PKP4: variants seen among roughly 807,000 people sequenced by gnomAD.
PKP4 encodes the protein plakophilin-4.
Under a neutral mutation model 145.1 loss-of-function variants are expected in PKP4, and 90 were observed. The observed-to-expected ratio is 0.62, with a 90% confidence interval of 0.52 to 0.74. PKP4 has a LOEUF of 0.74. Among genes scored for constraint, PKP4 ranks in the 30% least tolerant of loss-of-function variants. PKP4 has a pLI of 0.00. For missense variants in PKP4, 1,340 were observed against 1,482.7 expected (o/e 0.90, Z 1.58); for synonymous variants, 563 against 577.2 (o/e 0.98, Z 0.35).
chr2:158,648,892 AGAGTCT>A (rs11276832), intron 11 of PKP4, among the ~76,000 whole-genome samples: 71,953 of 151,428 alleles, frequency 0.48, 18,050 homozygotes, highest in East Asian at 0.78. Context: ...CAGCTACTAG[AGAGTCT>A]GAGGCAGGAA....
intron 1 of PKP4, among the ~76,000 whole-genome samples, chr2:158,518,391 C>T (rs915333480): frequency 6.6e-6 from 1 of 152,206 alleles, no homozygotes; most frequent in African/African-American, 2.4e-5. Flanking sequence ...GTCACATGGC[C>T]AGTCCCAGAT....
At chr2:158,614,692 C>A (rs1034789472) in intron 4 of PKP4, among the ~76,000 whole-genome samples, 1 of 152,044 alleles carries the variant, frequency 6.6e-6, no homozygotes, top group Non-Finnish European at 1.5e-5. Context: ...GAACAGATTC[C>A]CAAAAGCACA....
At chr2:158,508,857 C>T (rs1441102576) in intron 1 of PKP4, among the ~76,000 whole-genome samples, 2 of 152,164 alleles carry the variant, frequency 1.3e-5, no homozygotes, top group Admixed American at 1.3e-4. Context: ...TCTGGGGTGA[C>T]TGTGGAAAGT....
At chr2:158,475,530 C>T (rs1692330721) in intron 1 of PKP4, among the ~76,000 whole-genome samples, 1 of 152,200 alleles carries the variant, frequency 6.6e-6, no homozygotes, top group African/African-American at 2.4e-5. Context: ...TTGAAATGAC[C>T]TGACAACTTT....
At chr2:158,555,357 G>A (rs2046000369) in intron 2 of PKP4, among the ~76,000 whole-genome samples, 1 of 152,200 alleles carries the variant, frequency 6.6e-6, no homozygotes, top group Admixed American at 6.5e-5. Flanking sequence ...TTAAAGAAAT[G>A]TTAGCTCATC....
intron 10 of PKP4, among the ~76,000 whole-genome samples, 153 bp from the exon 11 acceptor site, chr2:158,642,333 A>AATGT (rs1052274191): frequency 2.0e-5 from 3 of 152,040 alleles, no homozygotes; most frequent in Admixed American, 6.5e-5. Flanking sequence ...CTCTCCTTAG[A>AATGT]ATGTATAAAA....
chr2:158,607,893 C>T (rs2050785275), intron 4 of PKP4, among the ~76,000 whole-genome samples: 1 of 152,118 alleles, frequency 6.6e-6, no homozygotes, highest in Non-Finnish European at 1.5e-5. Flanking sequence ...TTCCCCGTTG[C>T]TTAAGTCATT....
chr2:158,460,381 C>T (rs1362963101), intron 1 of PKP4, among the ~76,000 whole-genome samples: 2 of 152,122 alleles, frequency 1.3e-5, no homozygotes, highest in Non-Finnish European at 2.9e-5. Flanking sequence ...CAGTTTTCTT[C>T]CTTTTCTTGT....
At chr2:158,646,474 A>G (rs2054838323) in intron 11 of PKP4, among the ~76,000 whole-genome samples, 1 of 152,220 alleles carries the variant, frequency 6.6e-6, no homozygotes, top group African/African-American at 2.4e-5. Context: ...ATATAAATCT[A>G]GCATAGTTGC....
At chr2:158,635,595 T>C (rs535587504) in intron 9 of PKP4, among the ~76,000 whole-genome samples, 4 of 152,286 alleles carry the variant, frequency 2.6e-5, no homozygotes, top group Admixed American at 6.5e-5. Flanking sequence ...ATGAGAACTT[T>C]GAGTTTAATA....
At chr2:158,627,373 C>T (rs2052901377) in intron 7 of PKP4, among the ~76,000 whole-genome samples, 2 of 152,086 alleles carry the variant, frequency 1.3e-5, no homozygotes, top group South Asian at 4.2e-4. Context: ...CATATTTAAC[C>T]CTAAGAGGAC....
intron 4 of PKP4, among the ~76,000 whole-genome samples, chr2:158,605,118 G>T (rs1262968832): frequency 6.6e-6 from 1 of 152,190 alleles, no homozygotes; most frequent in Non-Finnish European, 1.5e-5. Flanking sequence ...AGTATTCCAA[G>T]GGCCTTGTGT....
intron 2 of PKP4, among the ~76,000 whole-genome samples, chr2:158,575,530 T>TA (rs2047772745): frequency 6.6e-6 from 1 of 152,210 alleles, no homozygotes; most frequent in South Asian, 2.1e-4. Flanking sequence ...TTTTTCTATG[T>TA]TCTTATTTGC....
In PKP4 at chr2:158,625,028, G is replaced by A. The variant is rs766638824; in HGVS notation, c.754G>A (p.Asp252Asn). The A allele has an allele frequency of 1.7e-5, 27 of 1,614,116 alleles. No homozygotes were observed. Among genetic ancestry groups the A allele is most frequent in the South Asian group, 1.6e-4 (15 of 91,080 alleles). ...GSGFGSPSVTDPRPLNPSAYS... is the reference protein window; with the variant it reads ...GSGFGSPSVTNPRPLNPSAYS... ...TGGATTTGGCTCTCCGTCAGTGACCGACCCCCGACCTCTGAACCCCAGTGC... is the reference window on the plus strand; with the variant it reads ...TGGATTTGGCTCTCCGTCAGTGACCAACCCCCGACCTCTGAACCCCAGTGC... Residue 252 changes from aspartate to asparagine, a missense_variant, in exon 7 of 22, where the codon GAC becomes AAC. Asp to Asn is a conservative substitution (Grantham distance 23). Transcript: ENST00000389759.
chr2:158,595,666 T>G (rs1382679149), intron 3 of PKP4, among the ~76,000 whole-genome samples: 2 of 152,208 alleles, frequency 1.3e-5, no homozygotes, highest in African/African-American at 4.8e-5. Context: ...TGATCATAAT[T>G]GAAGATTTCA....
At chr2:158,592,087 C>T (rs1214553321) in intron 3 of PKP4, among the ~76,000 whole-genome samples, 3 of 151,944 alleles carry the variant, frequency 2.0e-5, no homozygotes, top group African/African-American at 7.2e-5. Flanking sequence ...GAGACTTTAC[C>T]CTGTCTCTCC....
At chr2:158,514,228 T>C (rs564092949) in intron 1 of PKP4, among the ~76,000 whole-genome samples, 1 of 152,336 alleles carries the variant, frequency 6.6e-6, no homozygotes, top group East Asian at 1.9e-4. Context: ...CTGGATCTGC[T>C]GAGAATGCAG....
At chr2:158,568,120 G>T (rs2047143180) in intron 2 of PKP4, among the ~76,000 whole-genome samples, 2 of 152,228 alleles carry the variant, frequency 1.3e-5, no homozygotes, top group Admixed American at 1.3e-4. Context: ...GATCACCTGA[G>T]GTCAGGAGTT....
intron 1 of PKP4, among the ~76,000 whole-genome samples, chr2:158,508,578 C>T (rs2041220033): frequency 6.6e-6 from 1 of 152,134 alleles, no homozygotes; most frequent in African/African-American, 2.4e-5. Flanking sequence ...GAGAATTGTA[C>T]TGTAAAATGA....
Sources: allele counts gnomAD v4.1 joint callset (sites outside exome capture counted in the v4.1 genomes callset), GRCh38; gene constraint gnomAD v4.1.1; transcripts MANE v1.5; gene names NCBI Gene and HGNC (gene_info 2026-07-23, HGNC 2026-07-21).